LRFN5: variants seen among roughly 807,000 people sequenced by gnomAD.
LRFN5 encodes leucine-rich repeat and fibronectin type-III domain-containing protein 5.
A neutral mutation model predicts 45.6 loss-of-function variants in LRFN5; 24 were observed. The observed-to-expected ratio is 0.53, with a 90% CI of 0.38 to 0.74. LRFN5 has a LOEUF of 0.74. LRFN5 is among the 30% of genes least tolerant of loss of function. The pLI is 0.00. For missense variants in LRFN5, 776 were observed against 861.5 expected, an observed-to-expected ratio of 0.90 and a Z score of 1.24; for synonymous variants, 340 against 313.8, an observed-to-expected ratio of 1.08 and a Z score of -0.88.
chr14:41,675,705 G>A (rs1370126621), intron 1 of LRFN5, among the ~76,000 whole-genome samples: 3 of 151,990 alleles, frequency 2.0e-5, no homozygotes, highest in Non-Finnish European at 4.4e-5. Flanking sequence ...TTATTTCCCT[G>A]CCCACATTTG....
intron 2 of LRFN5, among the ~76,000 whole-genome samples, chr14:41,853,668 G>A (rs1023880554): frequency 1.3e-5 from 2 of 152,000 alleles, no homozygotes; most frequent in Admixed American, 6.6e-5. Context: ...GGAACTCAGA[G>A]GGGAAATCAG....
intron 2 of LRFN5, among the ~76,000 whole-genome samples, chr14:41,842,927 T>C (rs1888912363): frequency 6.6e-6 from 1 of 152,096 alleles, no homozygotes; most frequent in South Asian, 2.1e-4. Flanking sequence ...ATGAAGTATT[T>C]GATCAAGATC....
chr14:41,894,001 A>G (rs1259041036), intron 4 of LRFN5: 2 of 984,304 alleles, frequency 2.0e-6, no homozygotes, highest in Non-Finnish European at 2.4e-6. Context: ...TTCCAACTAA[A>G]TATTTTTAAT....
intron 1 of LRFN5, among the ~76,000 whole-genome samples, chr14:41,760,505 C>T (rs1885615829): frequency 6.6e-6 from 1 of 152,128 alleles, no homozygotes; most frequent in Admixed American, 6.5e-5. Context: ...GATCTGGCTT[C>T]TACACATTTA....
chr14:41,673,580 C>T (rs1412785775), intron 1 of LRFN5, among the ~76,000 whole-genome samples: 1 of 148,626 alleles, frequency 6.7e-6, no homozygotes, highest in East Asian at 2.0e-4. Flanking sequence ...GGGTGACCCC[C>T]CCCACCTCAC....
At chr14:41,755,338 T>C (rs1029662888) in intron 1 of LRFN5, among the ~76,000 whole-genome samples, 1 of 152,198 alleles carries the variant, frequency 6.6e-6, no homozygotes, top group Non-Finnish European at 1.5e-5. Flanking sequence ...TTCTGTCTCA[T>C]TGATCTGTCT....
At chr14:41,755,283 G>A (rs1449409929) in intron 1 of LRFN5, among the ~76,000 whole-genome samples, 32 of 152,110 alleles carry the variant, frequency 2.1e-4, no homozygotes, top group African/African-American at 5.8e-4. Flanking sequence ...TATTAGGTCC[G>A]CTTGGTGCAG....
intron 1 of LRFN5, among the ~76,000 whole-genome samples, chr14:41,636,699 T>A (rs1879323863): frequency 6.6e-6 from 1 of 152,036 alleles, no homozygotes. Context: ...GGTTACCAAC[T>A]TGCCTGATTC....
intron 2 of LRFN5, among the ~76,000 whole-genome samples, chr14:41,818,878 C>T (rs1473483389): frequency 6.6e-6 from 1 of 152,114 alleles, no homozygotes; most frequent in African/African-American, 2.4e-5. Context: ...TTTCTCATCC[C>T]TCATGCCCCT....
chr14:41,757,350 C>A (rs937711167), intron 1 of LRFN5, among the ~76,000 whole-genome samples: 1 of 152,218 alleles, frequency 6.6e-6, no homozygotes, highest in Non-Finnish European at 1.5e-5. Flanking sequence ...GCCCTGCCCC[C>A]AGAGGTGAAG....
At chr14:41,733,901 G>A (rs1178455882) in intron 1 of LRFN5, among the ~76,000 whole-genome samples, 1 of 150,976 alleles carries the variant, frequency 6.6e-6, no homozygotes, top group Non-Finnish European at 1.5e-5. Flanking sequence ...GTAGGGTATT[G>A]AAGTATTCTG....
intron 1 of LRFN5, among the ~76,000 whole-genome samples, chr14:41,705,840 AAC>A (rs34486383): frequency 0.21 from 31,723 of 151,810 alleles, 3,840 homozygotes; most frequent in South Asian, 0.37. Context: ...ATATCCCTCA[AAC>A]ACACCCACAC....
At chr14:41,624,245 A>G (rs1331923557) in intron 1 of LRFN5, among the ~76,000 whole-genome samples, 1 of 152,092 alleles carries the variant, frequency 6.6e-6, no homozygotes, top group African/African-American at 2.4e-5. Flanking sequence ...TACTTTTGTC[A>G]TTTTAATCAT....
intron 1 of LRFN5, among the ~76,000 whole-genome samples, chr14:41,687,215 A>G (rs186743814): frequency 2.0e-5 from 3 of 152,340 alleles, no homozygotes; most frequent in Admixed American, 2.0e-4. Context: ...ACATTTATGC[A>G]GCCAACAACC....
At position 41,873,496 on chromosome 14, in the gene LRFN5, T is replaced by C. The variant is rs1484114719; in HGVS notation, c.-20-13110T>C. Among the ~76,000 whole-genome samples the C allele has an allele frequency of 2.0e-5, 3 of 151,564 alleles. No homozygotes were observed. The East Asian group carries it at 5.8e-4, about 29-fold the overall frequency. Reference sequence around the variant, plus strand: ...TGATATAAAATCTTCCATATGGTGTTAGTTTGTCAAAATATTTCTGTAGGA... The same window carrying C: ...TGATATAAAATCTTCCATATGGTGTCAGTTTGTCAAAATATTTCTGTAGGA... On this transcript the variant is annotated intron_variant, in intron 2 of 5. Coordinates refer to ENST00000298119, the MANE Select transcript of LRFN5 (RefSeq NM_152447.5).
chr14:41,739,288 C>T (rs1239024110), intron 1 of LRFN5, among the ~76,000 whole-genome samples: 3 of 151,814 alleles, frequency 2.0e-5, no homozygotes, highest in East Asian at 3.9e-4. Flanking sequence ...GGGAGGGTGG[C>T]GTGGGAAGAT....
intron 1 of LRFN5, among the ~76,000 whole-genome samples, chr14:41,730,697 C>G (rs1300680449): frequency 6.6e-6 from 1 of 151,624 alleles, no homozygotes; most frequent in Non-Finnish European, 1.5e-5. Flanking sequence ...TGTTTTAGAG[C>G]CTTGGTTCTT....
chr14:41,695,863 C>A (rs1249697697), intron 1 of LRFN5, among the ~76,000 whole-genome samples: 1 of 152,038 alleles, frequency 6.6e-6, no homozygotes, highest in Admixed American at 6.6e-5. Context: ...TCAACAAGTA[C>A]TTTCAAACTT....
intron 4 of LRFN5, among the ~76,000 whole-genome samples, chr14:41,895,986 A>G (rs1175718545): frequency 6.6e-6 from 1 of 152,042 alleles, no homozygotes; most frequent in Non-Finnish European, 1.5e-5. Flanking sequence ...TTTTCTCTTC[A>G]ATTTAAACTA....
Sources: allele counts gnomAD v4.1 joint callset (sites outside exome capture counted in the v4.1 genomes callset), GRCh38; gene constraint gnomAD v4.1.1; transcripts MANE v1.5; gene names NCBI Gene and HGNC (gene_info 2026-07-23, HGNC 2026-07-21).